The following TRIM69 variants were observed in gnomAD, a reference collection of about 807,000 sequenced individuals.
The protein encoded by TRIM69 is tripartite motif containing 69.
In TRIM69, 29 loss-of-function variants were observed where a neutral mutation model predicts 37.7. The observed-to-expected ratio is 0.77, with a 90% confidence interval of 0.57 to 1.05. The LOEUF is 1.05. Among genes scored for constraint, TRIM69 ranks in the 50% least tolerant of loss-of-function variants. The pLI is 0.00. For synonymous variants in TRIM69, 209 were observed against 212.4 expected (o/e 0.98, Z 0.14); for missense variants, 596 against 579.9 (o/e 1.03, Z -0.28).
intron 4 of TRIM69, 40 bp from the exon 5 acceptor site, chr15:44,759,600 T>C (rs781290345): frequency 1.9e-6 from 3 of 1,608,064 alleles, no homozygotes; most frequent in Non-Finnish European, 8.5e-7. Flanking sequence ...TGAGAGTTGA[T>C]GAACGGGCAT....
In TRIM69 at chr15:44,759,764, A is replaced by G; in HGVS notation, c.853A>G (p.Lys285Glu). Residue 285 changes from lysine to glutamate, a missense_variant, in exon 6 of 7, where the codon AAG becomes GAG. Coordinates refer to ENST00000329464, the MANE Select transcript of TRIM69 (RefSeq NM_182985.5). The part of the protein sequence containing the change: ...TLLHSLEQGM[K>E]VLATRELISR... ...GCCCTGCAGCTTGGAGCAAGGAATG[A>G]AGGTGCTGGCAACCAGAGAGCTTAT... 1.2e-6 allele frequency: 2 copies of G among 1,614,218 alleles called. No individual in the cohort carries two copies. Among genetic ancestry groups the G allele is most frequent in the Non-Finnish European group, 1.7e-6 (2 of 1,180,038 alleles).
chr15:44,750,580 C>G (rs1382515107), intron 1 of TRIM69, among the ~76,000 whole-genome samples: 2 of 151,898 alleles, frequency 1.3e-5, no homozygotes, highest in Non-Finnish European at 2.9e-5. Flanking sequence ...AAGATCTGTA[C>G]TAATTTACCC....
At chr15:44,748,934 G>T (rs1012846342) in intron 1 of TRIM69, among the ~76,000 whole-genome samples, 2 of 151,800 alleles carry the variant, frequency 1.3e-5, no homozygotes, top group African/African-American at 4.8e-5. Context: ...AGGCTAGAGT[G>T]CAGTGGCATG....
chr15:44,756,340 C>G, intron 2 of TRIM69, 28 bp from the exon 3 acceptor site: 1 of 1,479,766 alleles, frequency 6.8e-7, no homozygotes, highest in Non-Finnish European at 9.2e-7. Context: ...CCGAGTTAGT[C>G]TGGGTTAATT....
At chr15:44,759,991 G>T in intron 6 of TRIM69, 119 bp downstream of exon 6, 1 of 1,196,896 alleles carries the variant, frequency 8.4e-7, no homozygotes, top group South Asian at 1.6e-5. Context: ...GGTACAGTTT[G>T]GCCAAAAGGA....
intron 3 of TRIM69, chr15:44,756,697 A>C (rs1360043739): frequency 1.0e-5 from 4 of 381,390 alleles, no homozygotes; most frequent in Non-Finnish European, 1.9e-5. Context: ...GATCTTTTCG[A>C]TAGTTCAGTC....
At chr15:44,752,967 T>G (rs991678910) in intron 1 of TRIM69, 1 of 152,208 alleles carries the variant, frequency 6.6e-6, no homozygotes, top group African/African-American at 2.4e-5. Flanking sequence ...CTTTATACAT[T>G]GCATATCCAT....
At chr15:44,744,982 G>A (rs896168884) in intron 1 of TRIM69, among the ~76,000 whole-genome samples, 1 of 151,156 alleles carries the variant, frequency 6.6e-6, no homozygotes, top group Non-Finnish European at 1.5e-5. Context: ...TGGGGAAAGA[G>A]TTATTTTGGG....
Position 44,767,573 on chromosome 15 carries a change from CACTG to C in TRIM69, c.1308_1311del (p.Asn438ThrfsTer24). 20 of 1,614,190 alleles carry C rather than the reference CACTG, an allele frequency of 1.2e-5. No individual in the cohort carries two copies. Among genetic ancestry groups the C allele is most frequent in the Admixed American group, 1.7e-5 (1 of 60,022 alleles). The stretch of plus-strand genomic sequence containing the variant: ...CTGGATTTGCCTTCTTTCAGTCTGA[CACTG>C]ACTAACAACCTCGACAAGGTGGGCA... On this transcript the variant is annotated frameshift_variant, in exon 7 of 7. Transcript: ENST00000329464. LOFTEE classifies it high-confidence loss of function.
chr15:44,752,449 C>G (rs2087554909), intron 1 of TRIM69, among the ~76,000 whole-genome samples: 2 of 152,074 alleles, frequency 1.3e-5, no homozygotes, highest in African/African-American at 4.8e-5. Flanking sequence ...GCTACTCCAT[C>G]TTTTTTGGGT....
chr15:44,754,158 T>C (rs2087594084), intron 1 of TRIM69: 1 of 148,570 alleles, frequency 6.7e-6, no homozygotes, highest in Non-Finnish European at 1.5e-5. Flanking sequence ...TGGAGTGTCA[T>C]TGTTGTTGCC....
At chr15:44,739,531 C>T (rs954650370) in intron 1 of TRIM69, among the ~76,000 whole-genome samples, 1 of 152,240 alleles carries the variant, frequency 6.6e-6, no homozygotes, top group African/African-American at 2.4e-5. Context: ...CACCCTAATA[C>T]TGTGCTTTTC....
rs869059418 is a variant in TRIM69 at position 44,750,715 on chromosome 15, C to CTTTTTTTTTTTTTTTTTTTTTTTTTT, written c.7-4183_7-4158dup. ...TCGCATTTTTATTTCATTACTTTTT[C>CTTTTTTTTTTTTTTTTTTTTTTTTTT]TTTTTTTTTTTTTTTTTTTTTTTTT... On this transcript the variant is annotated intron_variant, in intron 1 of 6. Transcript: ENST00000329464. 3.9e-5 allele frequency among the ~76,000 whole-genome samples: 4 copies of CTTTTTTTTTTTTTTTTTTTTTTTTTT among 102,838 alleles called. 2 individuals are homozygous for CTTTTTTTTTTTTTTTTTTTTTTTTTT. The highest frequency in any genetic ancestry group is 7.7e-5 in the African/African-American group (2 of 25,874). The allele number at this position is 102,838 out of a possible 152,430, so 67.5% of individuals were successfully genotyped here.
At chr15:44,739,448 A>G (rs1303048661) in intron 1 of TRIM69, among the ~76,000 whole-genome samples, 2 of 152,246 alleles carry the variant, frequency 1.3e-5, no homozygotes, top group Non-Finnish European at 2.9e-5. Flanking sequence ...CGGGAAGCGC[A>G]AGGGGTCAGG....
At chr15:44,754,691 T>C in intron 1 of TRIM69, 2 of 548,682 alleles carry the variant, frequency 3.6e-6, no homozygotes, top group Non-Finnish European at 6.4e-6. Context: ...TTTCTTCCTC[T>C]GCCTTGATTC....
Position 44,754,970 on chromosome 15 carries a change from T to TA in TRIM69, c.78dup (p.Pro27ThrfsTer3). On this transcript the variant is annotated frameshift_variant, in exon 2 of 7. Coordinates refer to ENST00000329464, the MANE Select transcript of TRIM69 (RefSeq NM_182985.5). LOFTEE classifies it high-confidence loss of function. ...GAAATGAATGATTCAATCACCCACCTACCCTCTAAAGTGGTGATACAAGAT... is the reference window on the plus strand; with the variant it reads ...GAAATGAATGATTCAATCACCCACCTAACCCTCTAAAGTGGTGATACAAGAT... 2 of 1,614,212 alleles carry TA rather than the reference T, an allele frequency of 1.2e-6. No individual in the cohort carries two copies. The highest frequency in any genetic ancestry group is 1.7e-6 in the Non-Finnish European group (2 of 1,180,020).
intron 1 of TRIM69, among the ~76,000 whole-genome samples, chr15:44,745,964 G>A (rs1256364142): frequency 6.6e-6 from 1 of 152,074 alleles, no homozygotes; most frequent in African/African-American, 2.4e-5. Flanking sequence ...CAGAAAGAAT[G>A]CTTAAGGAAA....
At chr15:44,737,612 T>A (rs1285334459) in intron 1 of TRIM69, among the ~76,000 whole-genome samples, 1 of 152,192 alleles carries the variant, frequency 6.6e-6, no homozygotes, top group East Asian at 1.9e-4. Context: ...TTAAATGGCT[T>A]AAAATTTCTT....
chr15:44,760,921 ATT>A (rs879904771), intron 6 of TRIM69, among the ~76,000 whole-genome samples: 4 of 143,762 alleles, frequency 2.8e-5, no homozygotes, highest in Non-Finnish European at 4.6e-5. Flanking sequence ...ACTTAGCATA[ATT>A]TTTTTTTTTT....
Sources: gnomAD v4.1 joint callset for allele counts (sites outside exome capture counted in the v4.1 genomes callset) on GRCh38, gnomAD v4.1.1 for gene constraint, MANE v1.5 for transcripts, NCBI Gene and HGNC (gene_info 2026-07-23, HGNC 2026-07-21) for gene names.